Variants in MAD1L1 observed in about 807,000 individuals in gnomAD.
MAD1L1 encodes mitotic spindle assembly checkpoint protein MAD1.
In MAD1L1, 95 loss-of-function variants were observed where a neutral mutation model predicts 96.9. The observed-to-expected ratio is 0.98, with a 90% CI of 0.83 to 1.16. The LOEUF (loss-of-function observed/expected upper bound fraction) is 1.16. Among genes scored for constraint, MAD1L1 ranks in the 50% most tolerant of loss-of-function variants. The pLI, the probability that MAD1L1 is intolerant of heterozygous loss-of-function variation, is 0.00. For missense variants in MAD1L1, 1,007 were observed against 954.4 expected (o/e 1.06, Z -0.73); for synonymous variants, 473 against 396.6 (o/e 1.19, Z -2.29).
At chr7:2,024,194 C>T (rs1782902826) in intron 12 of MAD1L1, among the ~76,000 whole-genome samples, 1 of 151,880 alleles carries the variant, frequency 6.6e-6, no homozygotes, top group Admixed American at 6.5e-5. Flanking sequence ...CTATAGGCAT[C>T]TAAAGGGTAA....
chr7:1,939,143 G>A (rs552167141), intron 16 of MAD1L1, among the ~76,000 whole-genome samples: 126 of 121,422 alleles, frequency 1.0e-3, no homozygotes, highest in African/African-American at 3.5e-3. Flanking sequence ...GGCCAGGGCC[G>A]GGACCAGAGG....
chr7:1,938,733 C>A (rs1398695914), intron 16 of MAD1L1, among the ~76,000 whole-genome samples: 1 of 143,758 alleles, frequency 7.0e-6, no homozygotes, highest in Non-Finnish European at 1.5e-5. Context: ...GGGCTGGGGC[C>A]AGAGGCGCGC....
chr7:2,220,953 G>A, intron 5 of MAD1L1: 11 of 1,612,412 alleles, frequency 6.8e-6, no homozygotes, highest in Non-Finnish European at 9.3e-6. Flanking sequence ...TGTTGTAGGG[G>A]ACGCCGGACA....
chr7:1,936,575 A>G, intron 17 of MAD1L1, 112 bp downstream of exon 17: 1 of 1,158,202 alleles, frequency 8.6e-7, no homozygotes, highest in South Asian at 1.5e-5. Context: ...AGGGGAGGAC[A>G]AACCCTCTGG....
intron 14 of MAD1L1, among the ~76,000 whole-genome samples, chr7:1,995,274 G>T (rs1291851092): frequency 6.6e-6 from 1 of 152,196 alleles, no homozygotes; most frequent in African/African-American, 2.4e-5. Flanking sequence ...ACCTGAGCTG[G>T]TGAACGGGCA....
Position 2,069,329 on chromosome 7 carries a change from C to A in MAD1L1, c.1083G>T (p.Gly361=). ...GCAGCTGCTGCCTGGCCTTCTCCAG[C>A]CCCCGGGCGCTGCATGGGAGAGACA... The part of the protein sequence containing the change: ...KNSAVTSSAR[G]LEKARQQLQE... The change falls in exon 12 of 19, where the codon GGG becomes GGT. Residue 361 remains glycine (G), a synonymous_variant. Coordinates refer to ENST00000265854, the MANE Select transcript of MAD1L1 (RefSeq NM_001013836.2). The A allele has an allele frequency of 6.3e-7, 1 of 1,596,660 alleles. No individual in the cohort carries two copies. Among genetic ancestry groups the A allele is most frequent in the South Asian group, 1.1e-5 (1 of 88,922 alleles).
At chr7:2,145,843 C>T (rs925443967) in intron 11 of MAD1L1, among the ~76,000 whole-genome samples, 36 of 152,314 alleles carry the variant, frequency 2.4e-4, no homozygotes, top group African/African-American at 7.9e-4. Context: ...AAGGCAGCAA[C>T]GGCAGGAACT....
At chr7:2,032,965 C>G (rs903191088) in intron 12 of MAD1L1, among the ~76,000 whole-genome samples, 3 of 152,258 alleles carry the variant, frequency 2.0e-5, no homozygotes, top group Admixed American at 2.0e-4. Context: ...GGAGAGGGCA[C>G]CAGCTGAGAA....
At chr7:1,862,876 CCCACAGCTACTTGCCGG>C (rs771983110) in intron 18 of MAD1L1, among the ~76,000 whole-genome samples, 11 of 152,246 alleles carry the variant, frequency 7.2e-5, no homozygotes, top group Admixed American at 3.9e-4. Flanking sequence ...GGGCTCTGGG[CCCACAGCTACTTGCCGG>C]CCGTAGAAAG....
rs975751943 is a variant in MAD1L1 at position 2,126,100 on chromosome 7, G to A, written c.1073+23052C>T. Among the ~76,000 whole-genome samples, 4 of 152,170 alleles carry A rather than the reference G, an allele frequency of 2.6e-5. No individual in the cohort carries two copies. The South Asian group carries it at 8.3e-4, about 31-fold the overall frequency. The stretch of plus-strand genomic sequence containing the variant: ...ACAGACCCAGGCTTCGGTCCTCACT[G>A]CCACTTCCTGCCAGGCGGCCCTCCT... On this transcript the variant is annotated intron_variant, in intron 11 of 18. Transcript: ENST00000265854.
chr7:2,208,090 G>A (rs144398516), intron 10 of MAD1L1, among the ~76,000 whole-genome samples: 2 of 152,186 alleles, frequency 1.3e-5, no homozygotes, highest in African/African-American at 2.4e-5. Flanking sequence ...TACATCAGGT[G>A]ATCTTTAATG....
chr7:2,046,377 T>C lies in MAD1L1; in HGVS notation c.1218+22817A>G, dbSNP rs770083863. ...CGTCCAGCGAGCTAGGAAACCCATG[T>C]TGTCCTCCTCCTCCCAGGCCCGGCG... On this transcript the variant is annotated intron_variant, in intron 12 of 18. Transcript: ENST00000265854. Among the ~76,000 whole-genome samples, 56 of 152,152 alleles carry C rather than the reference T, an allele frequency of 3.7e-4. 2 individuals are homozygous for C. The highest frequency in any genetic ancestry group is 1.5e-5 in the Non-Finnish European group (1 of 68,000).
chr7:2,015,536 A>T (rs927622860), intron 12 of MAD1L1, among the ~76,000 whole-genome samples: 8 of 152,194 alleles, frequency 5.3e-5, no homozygotes, highest in African/African-American at 1.7e-4. Flanking sequence ...GATGGCCCCC[A>T]AAAAGGACGT....
intron 17 of MAD1L1, among the ~76,000 whole-genome samples, chr7:1,898,982 G>A (rs886386479): frequency 6.6e-6 from 1 of 152,226 alleles, no homozygotes; most frequent in Non-Finnish European, 1.5e-5. Context: ...AGGGAGGCAG[G>A]CAGGAGGCCA....
intron 11 of MAD1L1, among the ~76,000 whole-genome samples, chr7:2,091,224 C>G (rs1786195025): frequency 6.6e-6 from 1 of 152,298 alleles, no homozygotes; most frequent in Middle Eastern, 3.4e-3. Context: ...GTCCTAAAAC[C>G]AGGTATCTTT....
intron 14 of MAD1L1, among the ~76,000 whole-genome samples, chr7:2,001,766 C>T (rs1411349564): frequency 1.3e-5 from 2 of 152,224 alleles, no homozygotes; most frequent in Non-Finnish European, 2.9e-5. Context: ...CGTAGGCTCT[C>T]ACACCTGCTT....
chr7:1,974,693 A>C (rs966733225), intron 15 of MAD1L1, among the ~76,000 whole-genome samples: 26 of 152,278 alleles, frequency 1.7e-4, no homozygotes, highest in African/African-American at 4.6e-4. Flanking sequence ...TTCAGAAAGA[A>C]GACACAGAAA....
chr7:2,042,746 C>T (rs1286239506), intron 12 of MAD1L1, among the ~76,000 whole-genome samples: 2 of 152,218 alleles, frequency 1.3e-5, no homozygotes, highest in Admixed American at 1.3e-4. Flanking sequence ...TGATCAGAAG[C>T]TTCCTGGTAC....
chr7:1,823,968 C>T (rs1782256953), intron 18 of MAD1L1, among the ~76,000 whole-genome samples: 1 of 152,152 alleles, frequency 6.6e-6, no homozygotes, highest in South Asian at 2.1e-4. Flanking sequence ...GGAAAGGAGC[C>T]CTCGGGGGAA....
Sources: allele counts gnomAD v4.1 joint callset (sites outside exome capture counted in the v4.1 genomes callset), GRCh38; gene constraint gnomAD v4.1.1; transcripts MANE v1.5; gene names NCBI Gene and HGNC (gene_info 2026-07-23, HGNC 2026-07-21).